Variants in CYRIA observed in about 807,000 individuals in gnomAD.
CYRIA encodes the protein CYFIP related Rac1 interactor A.
A neutral mutation model predicts 43.9 loss-of-function variants in CYRIA; 15 were observed. The observed-to-expected ratio is 0.34, with a 90% confidence interval of 0.23 to 0.53. CYRIA has a LOEUF of 0.53. Ranked by LOEUF, CYRIA falls within the 20% of genes least tolerant of loss-of-function variation. The pLI, the probability that CYRIA is intolerant of heterozygous loss-of-function variation, is 0.94. For synonymous variants in CYRIA, 117 were observed against 136.0 expected (o/e 0.86, Z 0.97); for missense variants, 236 against 394.2 (o/e 0.60, Z 3.40).
intron 9 of CYRIA, chr2:16,560,698 T>G: frequency 4.6e-6 from 2 of 431,368 alleles, no homozygotes; most frequent in Non-Finnish European, 8.5e-6. Flanking sequence ...ACACCCTCCA[T>G]TTGGTTCTTA....
intron 1 of CYRIA, among the ~76,000 whole-genome samples, chr2:16,652,767 T>C (rs2103549492): frequency 6.6e-6 from 1 of 152,260 alleles, no homozygotes; most frequent in Admixed American, 6.5e-5. Flanking sequence ...GGATGAGCAG[T>C]TAATCCCCGG....
intron 10 of CYRIA, 147 bp downstream of exon 10, chr2:16,559,313 G>A: frequency 1.1e-6 from 1 of 938,660 alleles, no homozygotes. Flanking sequence ...TGGACATCTT[G>A]CTGTGAGGAC....
intron 1 of CYRIA, among the ~76,000 whole-genome samples, chr2:16,657,766 T>G (rs1670156498): frequency 6.6e-6 from 1 of 152,154 alleles, no homozygotes. Context: ...AGGTAAAGAG[T>G]GCATAAGCCA....
At chr2:16,626,351 C>T (rs77060313) in intron 1 of CYRIA, among the ~76,000 whole-genome samples, 2,040 of 152,134 alleles carry the variant, frequency 0.013, 69 homozygotes, top group East Asian at 0.078. Context: ...GAAACTTGTA[C>T]GGTTAAAAAT....
chr2:16,665,734 ACCCCCGCCCGCGCCCCTGCCGCG>A (rs1670375850), intron 1 of CYRIA, 23 bp downstream of exon 1: 1 of 142,628 alleles, frequency 7.0e-6, no homozygotes, highest in South Asian at 1.8e-4. Context: ...GCGCCCGCAG[ACCCCCGCCCGCGCCCCTGCCGCG>A]CCCCCAGCCG....
chr2:16,608,145 G>C (rs1373283835), intron 2 of CYRIA, among the ~76,000 whole-genome samples: 1 of 152,150 alleles, frequency 6.6e-6, no homozygotes, highest in Non-Finnish European at 1.5e-5. Context: ...TATGGCCACT[G>C]AGATGGATGG....
In CYRIA at chr2:16,561,439, G is replaced by T; in HGVS notation, c.513+17C>A. ...CATGGAGAAGGGTGCAAAGGTCAAG[G>T]CGACCCAGGGACTCACGTGCATGTT... On this transcript the variant is annotated intron_variant, in intron 7 of 11. Transcript: ENST00000381323. The T allele has an allele frequency of 3.1e-6, 5 of 1,612,362 alleles. No individual in the cohort carries two copies. The highest frequency in any genetic ancestry group is 4.2e-6 in the Non-Finnish European group (5 of 1,178,510).
At chr2:16,619,783 G>C (rs1668935967) in intron 2 of CYRIA, among the ~76,000 whole-genome samples, 2 of 152,216 alleles carry the variant, frequency 1.3e-5, no homozygotes, top group African/African-American at 4.8e-5. Flanking sequence ...ATCTGAGCAT[G>C]ATGAGCAGGC....
chr2:16,652,293 T>C lies in CYRIA; in HGVS notation c.-167+13487A>G, dbSNP rs143564150. 1.7e-3 allele frequency among the ~76,000 whole-genome samples: 260 copies of C among 152,310 alleles called. 2 individuals are homozygous for C. The highest frequency in any genetic ancestry group is 5.9e-3 in the African/African-American group (244 of 41,566). Reference sequence around the variant, plus strand: ...TATGAGCTACTTGTCCCACCTGCTCTAAGTTGCTACAAGTTGCTATAAGCC... The same window carrying C: ...TATGAGCTACTTGTCCCACCTGCTCCAAGTTGCTACAAGTTGCTATAAGCC... On this transcript the variant is annotated intron_variant, in intron 1 of 11. Transcript: ENST00000381323.
chr2:16,603,304 C>T (rs1668271857), intron 2 of CYRIA, among the ~76,000 whole-genome samples: 1 of 152,162 alleles, frequency 6.6e-6, no homozygotes, highest in Admixed American at 6.5e-5. Flanking sequence ...GAGGAGGGTG[C>T]TTTATGTATT....
chr2:16,572,470 C>T (rs1667167508), intron 3 of CYRIA, among the ~76,000 whole-genome samples: 1 of 151,972 alleles, frequency 6.6e-6, no homozygotes, highest in African/African-American at 2.4e-5. Context: ...CCTCTTCTTC[C>T]AAGATTATCA....
At chr2:16,616,747 A>G (rs1668809245) in intron 2 of CYRIA, among the ~76,000 whole-genome samples, 2 of 152,246 alleles carry the variant, frequency 1.3e-5, no homozygotes, top group Non-Finnish European at 2.9e-5. Context: ...AAAATTGCTA[A>G]CAATCACAGA....
rs1286960264 is a variant in CYRIA at position 16,558,425 on chromosome 2, A to G, written c.837+1035T>C. ...ACTTTCTCTTGCATAGGGCCAGAGC[A>G]TCAGGACACTGTTCTCTGCAGATGA... On this transcript the variant is annotated intron_variant, in intron 10 of 11. Transcript: ENST00000381323. Among the ~76,000 whole-genome samples, 49 of 152,162 alleles carry G rather than the reference A, an allele frequency of 3.2e-4. 1 individual carries two copies. Among genetic ancestry groups the G allele is most frequent in the Non-Finnish European group, 6.8e-4 (46 of 68,026 alleles).
At position 16,561,274 on chromosome 2, in the gene CYRIA, C is replaced by T. The variant is rs1298096637; in HGVS notation, c.517G>A (p.Asp173Asn). ...TCATTATTGACTTCATTCTCAATGT[C>T]TAGCTGATGAAAATAAGAAGAGAAG... ...SRNRINNMHL[D>N]IENEVNNEMA... Residue 173 changes from aspartate to asparagine, a missense_variant, in exon 8 of 12, where the codon GAC becomes AAC. Physicochemically the swap from Asp to Asn is conservative, Grantham distance 23. Transcript: ENST00000381323. The T allele has an allele frequency of 1.0e-5, 16 of 1,604,770 alleles. No homozygotes were observed. Among genetic ancestry groups the T allele is most frequent in the Non-Finnish European group, 1.3e-5 (15 of 1,171,870 alleles).
intron 3 of CYRIA, among the ~76,000 whole-genome samples, chr2:16,584,112 C>T (rs757079590): frequency 3.3e-5 from 5 of 152,192 alleles, no homozygotes; most frequent in Non-Finnish European, 7.3e-5. Flanking sequence ...TAACTCTTTA[C>T]AATCCAGCCT....
intron 2 of CYRIA, among the ~76,000 whole-genome samples, chr2:16,607,074 A>G (rs1437384821): frequency 1.3e-5 from 2 of 152,244 alleles, no homozygotes; most frequent in Non-Finnish European, 2.9e-5. Flanking sequence ...CAAAGTGTTG[A>G]AACTTCACTT....
At chr2:16,590,405 T>C (rs1040897843) in intron 2 of CYRIA, among the ~76,000 whole-genome samples, 4 of 152,178 alleles carry the variant, frequency 2.6e-5, no homozygotes, top group Admixed American at 6.5e-5. Context: ...GTAGGAGTAC[T>C]GACTTTCATA....
chr2:16,575,877 T>A (rs1047058913), intron 3 of CYRIA, among the ~76,000 whole-genome samples: 35 of 109,072 alleles, frequency 3.2e-4, no homozygotes, highest in African/African-American at 8.2e-4. Context: ...AATAAATAAA[T>A]AAAATAAATA....
intron 1 of CYRIA, among the ~76,000 whole-genome samples, chr2:16,630,919 T>C (rs1039456258): frequency 6.6e-6 from 1 of 152,154 alleles, no homozygotes; most frequent in Non-Finnish European, 1.5e-5. Context: ...CTTGTCTCCA[T>C]CAGGAAGGCA....
Sources: gnomAD v4.1 joint callset for allele counts (sites outside exome capture counted in the v4.1 genomes callset) on GRCh38, gnomAD v4.1.1 for gene constraint, MANE v1.5 for transcripts, NCBI Gene and HGNC (gene_info 2026-07-23, HGNC 2026-07-21) for gene names.